Variants in MAGI1 observed in about 807,000 individuals in gnomAD.
MAGI1 encodes the protein membrane-associated guanylate kinase, WW and PDZ domain-containing protein 1.
Under a neutral mutation model 139.9 loss-of-function variants are expected in MAGI1, and 58 were observed. That is an observed-to-expected ratio of 0.41 (90% CI 0.34 to 0.52). The LOEUF (loss-of-function observed/expected upper bound fraction) is 0.52, where lower values mean the gene tolerates loss of function less well. MAGI1 is among the 20% of genes least tolerant of loss of function. The pLI is 0.12. For synonymous variants in MAGI1, 812 were observed against 737.9 expected (o/e 1.10, Z -1.63); for missense variants, 1,874 against 1,901.6 (o/e 0.99, Z 0.27).
At chr3:65,392,234 T>C (rs1404313122) in intron 13 of MAGI1, among the ~76,000 whole-genome samples, 1 of 152,192 alleles carries the variant, frequency 6.6e-6, no homozygotes, top group East Asian at 1.9e-4. Flanking sequence ...TCTGTTAGAA[T>C]GGGGAATGAA....
intron 1 of MAGI1, chr3:65,924,818 C>T (rs2062411777): frequency 6.6e-6 from 1 of 152,208 alleles, no homozygotes; most frequent in African/African-American, 2.4e-5. Flanking sequence ...CGAGTTAATC[C>T]ATGTAAAGTA....
chr3:65,495,449 T>C (rs1952359025), intron 2 of MAGI1, among the ~76,000 whole-genome samples: 1 of 152,162 alleles, frequency 6.6e-6, no homozygotes, highest in African/African-American at 2.4e-5. Context: ...TATCTCTGTT[T>C]ATGTATATGT....
At chr3:65,505,246 T>C (rs1018352931) in intron 2 of MAGI1, among the ~76,000 whole-genome samples, 2 of 152,174 alleles carry the variant, frequency 1.3e-5, no homozygotes, top group African/African-American at 4.8e-5. Context: ...AACCAGATAA[T>C]TTTCAAAAGC....
intron 1 of MAGI1, among the ~76,000 whole-genome samples, chr3:65,785,236 G>A (rs145462869): frequency 6.6e-6 from 1 of 152,202 alleles, no homozygotes; most frequent in Non-Finnish European, 1.5e-5. Flanking sequence ...GTATTTGTAG[G>A]AGAAGCATAT....
intron 1 of MAGI1, among the ~76,000 whole-genome samples, chr3:65,664,649 C>T (rs2086397789): frequency 6.6e-6 from 1 of 152,082 alleles, no homozygotes; most frequent in African/African-American, 2.4e-5. Context: ...TATTTGAAAC[C>T]TCAAAATCAA....
intron 1 of MAGI1, among the ~76,000 whole-genome samples, chr3:65,786,867 G>A (rs1007294559): frequency 4.0e-5 from 6 of 151,850 alleles, no homozygotes; most frequent in Non-Finnish European, 4.4e-5. Context: ...CGCCCGCCTC[G>A]GCCTCCCAAA....
chr3:65,971,835 T>C (rs749848614), intron 1 of MAGI1, among the ~76,000 whole-genome samples: 2 of 152,176 alleles, frequency 1.3e-5, no homozygotes, highest in African/African-American at 2.4e-5. Flanking sequence ...CAGAACCAGT[T>C]AAGATTTTTA....
At position 65,727,477 on chromosome 3, in the gene MAGI1, GC is replaced by G. The variant is rs535420503; in HGVS notation, c.314-105390del. Among the ~76,000 whole-genome samples, 8 of 152,292 alleles carry G rather than the reference GC, an allele frequency of 5.3e-5. No homozygotes were observed. The East Asian group carries it at 1.5e-3, about 29-fold the overall frequency. ...ACTTCTGTGTTCGAGCAATCCTCCA[GC>G]CTCAGCCTCCTGAGTAGTTGGGACT... On this transcript the variant is annotated intron_variant, in intron 1 of 22. Coordinates refer to ENST00000402939, the MANE Select transcript of MAGI1 (RefSeq NM_001033057.2).
intron 2 of MAGI1, among the ~76,000 whole-genome samples, chr3:65,574,812 T>G (rs372458183): frequency 6.6e-6 from 1 of 152,020 alleles, no homozygotes; most frequent in East Asian, 1.9e-4. Flanking sequence ...CTCACATATA[T>G]GGACAACTAA....
chr3:65,613,128 T>G (rs2083203633), intron 2 of MAGI1, among the ~76,000 whole-genome samples: 1 of 152,122 alleles, frequency 6.6e-6, no homozygotes, highest in Non-Finnish European at 1.5e-5. Context: ...TGGTTAGAAC[T>G]AGGTTTGAAT....
intron 10 of MAGI1, among the ~76,000 whole-genome samples, chr3:65,433,954 T>C (rs1012970569): frequency 2.0e-5 from 3 of 152,282 alleles, no homozygotes; most frequent in Middle Eastern, 3.4e-3. Flanking sequence ...GAAATATGGC[T>C]AGTGAGACAG....
intron 2 of MAGI1, among the ~76,000 whole-genome samples, chr3:65,561,603 A>C (rs985139920): frequency 6.6e-6 from 1 of 152,204 alleles, no homozygotes; most frequent in African/African-American, 2.4e-5. Context: ...AAGACTCAGA[A>C]TCTTGAGATG....
At chr3:65,950,484 T>C (rs879864822) in intron 1 of MAGI1, among the ~76,000 whole-genome samples, 1 of 152,116 alleles carries the variant, frequency 6.6e-6, no homozygotes, top group Admixed American at 6.5e-5. Context: ...TGAGAATCCA[T>C]GAAAAACTAA....
chr3:66,000,035 C>T (rs962205780), intron 1 of MAGI1, among the ~76,000 whole-genome samples: 4 of 142,228 alleles, frequency 2.8e-5, no homozygotes, highest in Non-Finnish European at 4.5e-5. Context: ...TGCAGTGGCG[C>T]GAACTAGGCT....
chr3:65,391,040 C>A, intron 14 of MAGI1, 102 bp downstream of exon 14: 1 of 1,002,484 alleles, frequency 1.0e-6, no homozygotes, highest in Admixed American at 2.3e-5. Flanking sequence ...TTCACTTTAC[C>A]CAGTTTACAC....
In MAGI1 at chr3:65,439,913, CTGT is replaced by C. The variant is rs759014969; in HGVS notation, c.1233_1235del (p.Gln421del). The stretch of plus-strand genomic sequence containing the variant: ...GCTGCTGCTGCTGCTGCTGCTGCTG[CTGT>C]TGCTGCTGCTGTTGCTGCTGCTGCT... On this transcript the variant is annotated inframe_deletion, in exon 9 of 23. Transcript: ENST00000402939. 3.2e-6 allele frequency: 5 copies of C among 1,586,358 alleles called. No homozygotes were observed. The highest frequency in any genetic ancestry group is 1.7e-5 in the Admixed American group (1 of 59,362).
intron 18 of MAGI1, among the ~76,000 whole-genome samples, chr3:65,365,603 C>G (rs1193251871): frequency 6.6e-6 from 1 of 152,140 alleles, no homozygotes; most frequent in African/African-American, 2.4e-5. Context: ...CAAGTAGCAA[C>G]CAACTATGAG....
chr3:65,906,644 G>A (rs760358144), intron 1 of MAGI1, among the ~76,000 whole-genome samples: 1 of 152,168 alleles, frequency 6.6e-6, no homozygotes, highest in Non-Finnish European at 1.5e-5. Flanking sequence ...CCAGCATTTT[G>A]GGAGGCTGAG....
At position 65,741,193 on chromosome 3, in the gene MAGI1, T is replaced by A. The variant is rs376689734; in HGVS notation, c.314-119105A>T. Among the ~76,000 whole-genome samples the A allele has an allele frequency of 2.9e-3, 404 of 141,556 alleles. 3 individuals are homozygous for A. The highest frequency in any genetic ancestry group is 4.2e-3 in the Non-Finnish European group (270 of 63,698). 92.9% of individuals were successfully genotyped at this position (141,556 alleles called of 152,430 possible). A position where few individuals can be genotyped will look rare whatever the true frequency, so the allele number is the denominator to read the frequency against. The stretch of plus-strand genomic sequence containing the variant: ...GCTATTATTGATTTTTTTTTTTTTT[T>A]AAATGGAGTCTCACTCTGTCCCCCA... On this transcript the variant is annotated intron_variant, in intron 1 of 22. Coordinates refer to ENST00000402939, the MANE Select transcript of MAGI1 (RefSeq NM_001033057.2).
Sources: gnomAD v4.1 joint callset for allele counts (sites outside exome capture counted in the v4.1 genomes callset) on GRCh38, gnomAD v4.1.1 for gene constraint, MANE v1.5 for transcripts, NCBI Gene and HGNC (gene_info 2026-07-23, HGNC 2026-07-21) for gene names.